Variants in WSCD1 observed in about 807,000 individuals in gnomAD.
WSCD1 encodes sialate:O-sulfotransferase 1.
A neutral mutation model predicts 60.4 loss-of-function variants in WSCD1; 41 were observed. The observed-to-expected ratio is 0.68, with a 90% CI of 0.53 to 0.88. The LOEUF is 0.88. Ranked by LOEUF, WSCD1 falls within the 40% of genes least tolerant of loss-of-function variation. WSCD1 has a pLI of 0.00. For synonymous variants in WSCD1, 361 were observed against 332.5 expected, an observed-to-expected ratio of 1.09 and a Z score of -0.93; for missense variants, 784 against 796.2, an observed-to-expected ratio of 0.98 and a Z score of 0.18.
At position 6,120,454 on chromosome 17, in the gene WSCD1, C is replaced by T. The variant is rs761737789; in HGVS notation, c.1521C>T (p.Phe507=). 6.2e-7 allele frequency: 1 copy of T among 1,614,048 alleles called. No homozygotes were observed. The highest frequency in any genetic ancestry group is 1.1e-5 in the South Asian group (1 of 91,090). The part of the protein sequence containing the change: ...LVPTLREMVA[F]LNVSVSEERL... ...CCACGTTACGGGAGATGGTGGCCTT[C>T]CTCAACGTGTCTGTGAGCGAGGAGC... Residue 507 remains phenylalanine, a synonymous_variant, in exon 9 of 9, where the codon TTC becomes TTT. Coordinates refer to ENST00000317744, the MANE Select transcript of WSCD1 (RefSeq NM_015253.2).
chr17:6,120,718 C>CA lies in WSCD1; in HGVS notation c.*57_*58insA. ...GTGACGCAATCGCACCACGGGGCTG[C>CA]GCTCCCCACTCTGATGCTCAGGCCC... is the stretch of plus-strand genomic sequence containing the variant. On this transcript the variant is annotated 3_prime_UTR_variant, in exon 9 of 9. Coordinates refer to ENST00000317744, the MANE Select transcript of WSCD1 (RefSeq NM_015253.2). 1.3e-5 allele frequency: 20 copies of CA among 1,530,538 alleles called. No homozygotes were observed. The highest frequency in any genetic ancestry group is 1.7e-5 in the Non-Finnish European group (19 of 1,130,318). 94.8% of individuals were successfully genotyped at this position (1,530,538 alleles called of 1,614,324 possible). A position where few individuals can be genotyped will look rare whatever the true frequency, so the allele number is the denominator to read the frequency against.
At chr17:6,087,085 G>A (rs1197990531) in intron 2 of WSCD1, among the ~76,000 whole-genome samples, 1 of 152,190 alleles carries the variant, frequency 6.6e-6, no homozygotes, top group African/African-American at 2.4e-5. Context: ...GTGCGTTCAC[G>A]GCTTGGGGAC....
At chr17:6,106,477 T>C (rs1376262828) in intron 5 of WSCD1, among the ~76,000 whole-genome samples, 1 of 152,232 alleles carries the variant, frequency 6.6e-6, no homozygotes, top group Non-Finnish European at 1.5e-5. Context: ...TGACAAATGT[T>C]TTTCTGAATG....
At chr17:6,097,669 G>C (rs372920437) in intron 5 of WSCD1, among the ~76,000 whole-genome samples, 2 of 152,222 alleles carry the variant, frequency 1.3e-5, no homozygotes, top group East Asian at 3.8e-4. Context: ...GTGTATGTAC[G>C]TAGATCACTT....
chr17:6,108,459 A>G (rs1200242757), intron 5 of WSCD1, among the ~76,000 whole-genome samples: 2 of 152,070 alleles, frequency 1.3e-5, no homozygotes, highest in Non-Finnish European at 2.9e-5. Context: ...AAGAGATGAA[A>G]AGGGGCTAGT....
intron 5 of WSCD1, among the ~76,000 whole-genome samples, chr17:6,107,133 G>T (rs1447987499): frequency 6.6e-6 from 1 of 152,178 alleles, no homozygotes; most frequent in Non-Finnish European, 1.5e-5. Context: ...TTGTGTGCTT[G>T]TCCCTTGGTC....
intron 7 of WSCD1, among the ~76,000 whole-genome samples, chr17:6,113,854 G>A (rs1389188344): frequency 6.6e-6 from 1 of 152,132 alleles, no homozygotes; most frequent in Non-Finnish European, 1.5e-5. Context: ...GTGTTGGAGA[G>A]GATGTGGAGA....
chr17:6,083,596 T>A (rs922243085), intron 2 of WSCD1, among the ~76,000 whole-genome samples: 1 of 152,064 alleles, frequency 6.6e-6, no homozygotes, highest in Non-Finnish European at 1.5e-5. Flanking sequence ...CTGGCCAACA[T>A]GGTGAAACCC....
At position 6,120,434 on chromosome 17, in the gene WSCD1, T is replaced by C. The variant is rs779760327; in HGVS notation, c.1501T>C (p.Leu501=). 93 of 1,613,956 alleles carry C rather than the reference T, an allele frequency of 5.8e-5. No individual in the cohort carries two copies. Among genetic ancestry groups the C allele is most frequent in the Non-Finnish European group, 7.7e-5 (91 of 1,180,034 alleles). Residue 501 remains leucine, a synonymous_variant, in exon 9 of 9, where the codon TTA becomes CTA. Transcript: ENST00000317744. ...EELRRSLVPT[L]REMVAFLNVS... is the part of the protein sequence containing the mutation. ...GCTGCGGCGCAGCCTGGTGCCCACG[T>C]TACGGGAGATGGTGGCCTTCCTCAA...
rs200863285 is a variant in WSCD1 at position 6,100,387 on chromosome 17, G to C, written c.849+5164G>C. Among the ~76,000 whole-genome samples the C allele has an allele frequency of 3.9e-5, 6 of 152,352 alleles. No individual in the cohort carries two copies. In the East Asian group the frequency reaches 7.7e-4, roughly 20 times the overall value. ...GTTCTGGAGTTAGGGATTTCAGGTAGGGCAAGAACAGTGCCCTGGATGTCA... is the reference window on the plus strand; with the variant it reads ...GTTCTGGAGTTAGGGATTTCAGGTACGGCAAGAACAGTGCCCTGGATGTCA... On this transcript the variant is annotated intron_variant, in intron 5 of 8. Transcript: ENST00000317744.
chr17:6,085,237 A>T (rs1909556526), intron 2 of WSCD1, among the ~76,000 whole-genome samples: 1 of 152,156 alleles, frequency 6.6e-6, no homozygotes, highest in African/African-American at 2.4e-5. Flanking sequence ...ATCTCATTTA[A>T]TTTAATCTTC....
At chr17:6,081,140 C>T (rs978058959) in intron 2 of WSCD1, 55 bp downstream of exon 2, 1 of 1,485,632 alleles carries the variant, frequency 6.7e-7, no homozygotes, top group Non-Finnish European at 8.9e-7. Context: ...CATTCAGGGT[C>T]ACAGGTTTGG....
At chr17:6,087,651 A>C (rs1909745706) in intron 2 of WSCD1, among the ~76,000 whole-genome samples, 2 of 152,138 alleles carry the variant, frequency 1.3e-5, no homozygotes, top group African/African-American at 4.8e-5. Flanking sequence ...GCTAGAGAGG[A>C]GGGGTAGAGT....
intron 2 of WSCD1, among the ~76,000 whole-genome samples, chr17:6,083,977 C>T (rs1305345646): frequency 6.6e-6 from 1 of 152,046 alleles, no homozygotes; most frequent in Non-Finnish European, 1.5e-5. Context: ...ATAAGCAGGA[C>T]TGATATCCAA....
At chr17:6,094,525 T>C (rs1301571951) in intron 4 of WSCD1, among the ~76,000 whole-genome samples, 1 of 141,444 alleles carries the variant, frequency 7.1e-6, no homozygotes, top group East Asian at 2.1e-4. Context: ...AAAAGCACCA[T>C]CCAAATTTGT....
upstream of WSCD1, chr17:6,069,238 A>C (rs1231699491): frequency 2.5e-6 from 1 of 398,680 alleles, no homozygotes; most frequent in African/African-American, 2.1e-5. Context: ...TGCACATGGC[A>C]GAGCAGGGCA....
In WSCD1 at chr17:6,080,347, C is replaced by A; in HGVS notation, c.-288-24C>A. 1 of 407,856 alleles carries A rather than the reference C, an allele frequency of 2.5e-6. No homozygotes were observed. Among genetic ancestry groups the A allele is most frequent in the Non-Finnish European group, 4.4e-6 (1 of 227,166 alleles). 25.3% of individuals were successfully genotyped at this position (407,856 alleles called of 1,614,324 possible). A position where few individuals can be genotyped will look rare whatever the true frequency, so the allele number is the denominator to read the frequency against. On this transcript the variant is annotated intron_variant, in intron 1 of 8. Coordinates refer to ENST00000317744, the MANE Select transcript of WSCD1 (RefSeq NM_015253.2). The surrounding 1 kb of genome is among the most constrained non-coding windows in gnomAD (Gnocchi z 6.6). ...GGTAGTGGACCCGCCTATTACATCTCGGTGCTCTTTCTCCACCTTCCAGAT... is the reference window on the plus strand; with the variant it reads ...GGTAGTGGACCCGCCTATTACATCTAGGTGCTCTTTCTCCACCTTCCAGAT...
intron 1 of WSCD1, among the ~76,000 whole-genome samples, chr17:6,073,959 G>A (rs1454145920): frequency 6.6e-6 from 1 of 152,202 alleles, no homozygotes; most frequent in Non-Finnish European, 1.5e-5. Context: ...TGATGGGGAC[G>A]ATAATGATTT....
chr17:6,118,048 A>G lies in WSCD1; in HGVS notation c.1235A>G (p.Glu412Gly). 6.2e-7 allele frequency: 1 copy of G among 1,614,210 alleles called. No individual in the cohort carries two copies. Among genetic ancestry groups the G allele is most frequent in the Non-Finnish European group, 8.5e-7 (1 of 1,180,036 alleles). ...SRRTICVKTH[E>G]SGRREIEMFD... ...CGCACCATCTGTGTCAAAACCCACG[A>G]GAGTGGCAGGAGGGAGATTGAGATG... The change falls in exon 8 of 9, where the codon GAG (glutamate) becomes GGG (glycine). Residue 412 changes from glutamate to glycine, a missense_variant. Physicochemically the swap from Glu to Gly is moderately conservative, Grantham distance 98. Coordinates refer to ENST00000317744, the MANE Select transcript of WSCD1 (RefSeq NM_015253.2). The surrounding 1 kb of genome is among the most constrained non-coding windows in gnomAD (Gnocchi z 5.8).
Sources: allele counts gnomAD v4.1 joint callset (sites outside exome capture counted in the v4.1 genomes callset), GRCh38; gene constraint gnomAD v4.1.1; non-coding constraint Gnocchi (gnomAD v3.1); transcripts MANE v1.5; gene names NCBI Gene and HGNC (gene_info 2026-07-23, HGNC 2026-07-21).